SNTB1: variants seen among roughly 807,000 people sequenced by gnomAD.
SNTB1 encodes the protein syntrophin beta 1.
A neutral mutation model predicts 48.9 loss-of-function variants in SNTB1; 36 were observed. That is an observed-to-expected ratio of 0.74 (90% CI 0.56 to 0.97). SNTB1 has a LOEUF of 0.97. Ranked by LOEUF, SNTB1 falls within the 50% of genes least tolerant of loss-of-function variation. The probability of loss-of-function intolerance (pLI) is 0.00; values close to 1 mark genes in which losing one functional copy is unlikely to be tolerated. For synonymous variants in SNTB1, 299 were observed against 294.6 expected (o/e 1.01, Z -0.15); for missense variants, 786 against 703.4 (o/e 1.12, Z -1.33).
intron 4 of SNTB1, among the ~76,000 whole-genome samples, chr8:120,556,221 G>T (rs1815564859): frequency 6.6e-6 from 1 of 152,164 alleles, no homozygotes; most frequent in Non-Finnish European, 1.5e-5. Flanking sequence ...CTCATTGCTG[G>T]ATTATGGAAG....
intron 4 of SNTB1, among the ~76,000 whole-genome samples, chr8:120,549,295 G>A (rs1049156895): frequency 1.3e-5 from 2 of 152,168 alleles, no homozygotes; most frequent in African/African-American, 4.8e-5. Context: ...GCATCTATAT[G>A]TCCCAGCACA....
intron 1 of SNTB1, among the ~76,000 whole-genome samples, chr8:120,790,105 G>A (rs1040784055): frequency 1.3e-5 from 2 of 151,620 alleles, no homozygotes; most frequent in Non-Finnish European, 3.0e-5. Flanking sequence ...CAATAAATGG[G>A]ATTTATCACA....
intron 1 of SNTB1, among the ~76,000 whole-genome samples, chr8:120,712,188 C>A (rs556104057): frequency 6.6e-6 from 1 of 152,016 alleles, no homozygotes; most frequent in East Asian, 1.9e-4. Flanking sequence ...ATAAGCCAGG[C>A]GGATCAATGA....
At chr8:120,614,509 C>A (rs1816676320) in intron 3 of SNTB1, among the ~76,000 whole-genome samples, 1 of 152,230 alleles carries the variant, frequency 6.6e-6, no homozygotes, top group African/African-American at 2.4e-5. Flanking sequence ...CCCTTCTATG[C>A]CTTAGCTCTG....
intron 4 of SNTB1, among the ~76,000 whole-genome samples, chr8:120,553,012 C>T (rs1187361906): frequency 6.6e-6 from 1 of 152,062 alleles, no homozygotes; most frequent in African/African-American, 2.4e-5. Context: ...AGGCAGAGCT[C>T]AGGCGGTAAT....
chr8:120,552,638 C>G (rs1201009612), intron 4 of SNTB1, among the ~76,000 whole-genome samples: 1 of 152,100 alleles, frequency 6.6e-6, no homozygotes. Context: ...CCGCTGCACC[C>G]GGCCAAAGGA....
chr8:120,645,460 G>T (rs1043779367), intron 2 of SNTB1, among the ~76,000 whole-genome samples: 2 of 151,532 alleles, frequency 1.3e-5, no homozygotes, highest in African/African-American at 4.9e-5. Flanking sequence ...GTTTGTCAAA[G>T]ATCAGATAGT....
At chr8:120,582,115 C>T (rs1563823245) in intron 3 of SNTB1, among the ~76,000 whole-genome samples, 1 of 152,090 alleles carries the variant, frequency 6.6e-6, no homozygotes, top group East Asian at 1.9e-4. Context: ...ATAGAATTAA[C>T]AAGATAGACA....
chr8:120,798,183 T>C (rs573991594), intron 1 of SNTB1, among the ~76,000 whole-genome samples: 5 of 152,080 alleles, frequency 3.3e-5, no homozygotes, highest in African/African-American at 1.2e-4. Flanking sequence ...TGATTGTAGA[T>C]TAGAACCACC....
At chr8:120,609,748 G>A (rs995077998) in intron 3 of SNTB1, among the ~76,000 whole-genome samples, 1 of 152,172 alleles carries the variant, frequency 6.6e-6, no homozygotes, top group African/African-American at 2.4e-5. Flanking sequence ...CTGCCTGAGA[G>A]GGGGAGAAAT....
At chr8:120,644,194 G>C (rs986121174) in intron 2 of SNTB1, among the ~76,000 whole-genome samples, 3 of 150,968 alleles carry the variant, frequency 2.0e-5, no homozygotes, top group Non-Finnish European at 4.4e-5. Flanking sequence ...TAAGTTTTAC[G>C]GTACATGTGC....
In SNTB1 at chr8:120,780,661, C is replaced by G. The variant is rs142217321; in HGVS notation, c.571+30612G>C. 2.0e-5 allele frequency among the ~76,000 whole-genome samples: 3 copies of G among 152,208 alleles called. No individual in the cohort carries two copies. In the East Asian group the frequency reaches 5.8e-4, roughly 29 times the overall value. The stretch of plus-strand genomic sequence containing the variant: ...TCTTATGTCTTACTCTTTGGATAAC[C>G]AATAGCAAATTTCTGGAAGGGGAAA... On this transcript the variant is annotated intron_variant, in intron 1 of 6. Coordinates refer to ENST00000517992, the MANE Select transcript of SNTB1 (RefSeq NM_021021.4).
chr8:120,798,295 A>G (rs1820156355), intron 1 of SNTB1, among the ~76,000 whole-genome samples: 1 of 151,990 alleles, frequency 6.6e-6, no homozygotes, highest in African/African-American at 2.4e-5. Context: ...AAGTGACCAT[A>G]ATATGTGGTC....
chr8:120,623,737 C>T (rs889390286), intron 3 of SNTB1, among the ~76,000 whole-genome samples: 3 of 152,172 alleles, frequency 2.0e-5, no homozygotes, highest in Non-Finnish European at 4.4e-5. Flanking sequence ...CCAGAAAAAT[C>T]AAATAATAGA....
intron 3 of SNTB1, among the ~76,000 whole-genome samples, chr8:120,586,199 A>G (rs1243279152): frequency 6.6e-6 from 1 of 152,258 alleles, no homozygotes; most frequent in Non-Finnish European, 1.5e-5. Flanking sequence ...GATTGTGGGC[A>G]TGGCATCGCC....
intron 2 of SNTB1, among the ~76,000 whole-genome samples, chr8:120,689,549 C>T (rs1241110488): frequency 6.6e-6 from 1 of 152,206 alleles, no homozygotes; most frequent in East Asian, 1.9e-4. Flanking sequence ...CTTAAATTCA[C>T]ATATAAGGGG....
intron 4 of SNTB1, among the ~76,000 whole-genome samples, chr8:120,572,128 G>C (rs1277890613): frequency 6.6e-6 from 1 of 152,030 alleles, no homozygotes; most frequent in Non-Finnish European, 1.5e-5. Flanking sequence ...CTGCTACTGG[G>C]TCTCATTCTC....
At chr8:120,749,620 G>T (rs916780095) in intron 1 of SNTB1, among the ~76,000 whole-genome samples, 1 of 151,972 alleles carries the variant, frequency 6.6e-6, no homozygotes, top group African/African-American at 2.4e-5. Context: ...TTTGGTTATT[G>T]AGAAAGTCTT....
chr8:120,663,947 G>A (rs537101985), intron 2 of SNTB1, among the ~76,000 whole-genome samples: 18 of 152,214 alleles, frequency 1.2e-4, no homozygotes, highest in South Asian at 2.1e-4. Context: ...AGGAAATTGC[G>A]TCCTCCAAAT....
Sources: allele counts gnomAD v4.1 joint callset (sites outside exome capture counted in the v4.1 genomes callset), GRCh38; gene constraint gnomAD v4.1.1; transcripts MANE v1.5; gene names NCBI Gene and HGNC (gene_info 2026-07-23, HGNC 2026-07-21).